The following CNBD1 variants were observed in gnomAD, a reference collection of about 807,000 sequenced individuals.
CNBD1 encodes cyclic nucleotide binding domain containing 1.
CNBD1 carries 71 observed loss-of-function variants against 54.4 expected under a neutral mutation model. That is an observed-to-expected ratio of 1.30 (90% CI 1.08 to 1.59). The LOEUF (loss-of-function observed/expected upper bound fraction) is 1.59. CNBD1 is among the 40% of genes most tolerant of loss of function. The pLI is 0.00. For missense variants in CNBD1, 659 were observed against 518.0 expected (o/e 1.27, Z -2.64); for synonymous variants, 182 against 170.7 (o/e 1.07, Z -0.51).
At chr8:86,901,696 T>C (rs1046885371) in intron 2 of CNBD1, among the ~76,000 whole-genome samples, 5 of 152,222 alleles carry the variant, frequency 3.3e-5, no homozygotes, top group African/African-American at 9.6e-5. Context: ...GTCTTTATTG[T>C]GTGGCTTCCA....
chr8:87,332,155 C>T (rs1563556541), intron 8 of CNBD1, among the ~76,000 whole-genome samples: 1 of 152,076 alleles, frequency 6.6e-6, no homozygotes, highest in East Asian at 1.9e-4. Context: ...CGAGATCAGC[C>T]TGGCCAACAT....
intron 4 of CNBD1, among the ~76,000 whole-genome samples, chr8:87,120,324 A>T (rs893021982): frequency 6.6e-6 from 1 of 151,910 alleles, no homozygotes; most frequent in African/African-American, 2.4e-5. Context: ...CAAGGAATCT[A>T]TCCATTTCCT....
chr8:86,963,459 G>A (rs1807988319), intron 4 of CNBD1, among the ~76,000 whole-genome samples: 1 of 152,110 alleles, frequency 6.6e-6, no homozygotes, highest in African/African-American at 2.4e-5. Context: ...AGGTGCCTCA[G>A]GGGGGTGTAT....
At chr8:87,340,369 T>C (rs1034772426) in intron 8 of CNBD1, among the ~76,000 whole-genome samples, 13 of 152,190 alleles carry the variant, frequency 8.5e-5, no homozygotes, top group African/African-American at 3.1e-4. Context: ...TCTGTGTCTG[T>C]ATGGGTGTGG....
At chr8:86,982,836 T>C (rs1808518479) in intron 4 of CNBD1, among the ~76,000 whole-genome samples, 1 of 152,134 alleles carries the variant, frequency 6.6e-6, no homozygotes, top group Admixed American at 6.6e-5. Flanking sequence ...CTGCTGAGGT[T>C]TTGATTGGGA....
At chr8:87,264,461 A>C (rs1388140554) in intron 6 of CNBD1, among the ~76,000 whole-genome samples, 1 of 152,222 alleles carries the variant, frequency 6.6e-6, no homozygotes, top group Middle Eastern at 3.4e-3. Context: ...ATAAACATAC[A>C]TGTGCGTGTG....
chr8:87,134,327 G>T (rs1297980624), intron 4 of CNBD1, among the ~76,000 whole-genome samples: 4 of 152,034 alleles, frequency 2.6e-5, no homozygotes, highest in Non-Finnish European at 4.4e-5. Flanking sequence ...AGTACAGATT[G>T]ATGTTTTAGG....
chr8:87,304,817 A>G (rs1809107583), intron 8 of CNBD1, among the ~76,000 whole-genome samples: 1 of 152,072 alleles, frequency 6.6e-6, no homozygotes, highest in African/African-American at 2.4e-5. Flanking sequence ...ACTGAATGGG[A>G]AAAAGTTGAA....
intron 4 of CNBD1, among the ~76,000 whole-genome samples, chr8:87,006,289 G>A (rs1809096060): frequency 6.6e-6 from 1 of 152,082 alleles, no homozygotes; most frequent in Admixed American, 6.5e-5. Flanking sequence ...GACCTTTATG[G>A]AAGGTGATAA....
intron 3 of CNBD1, among the ~76,000 whole-genome samples, chr8:86,932,583 T>A (rs1272788983): frequency 6.6e-6 from 1 of 152,202 alleles, no homozygotes; most frequent in Non-Finnish European, 1.5e-5. Context: ...TTCACTCCAT[T>A]TGCCTTCCCT....
At chr8:86,933,344 A>G (rs1208443091) in intron 3 of CNBD1, among the ~76,000 whole-genome samples, 1 of 152,162 alleles carries the variant, frequency 6.6e-6, no homozygotes, top group Non-Finnish European at 1.5e-5. Flanking sequence ...AAAATGAAAA[A>G]ACAAAACACA....
At chr8:87,371,988 G>A (rs1314607423) in intron 10 of CNBD1, among the ~76,000 whole-genome samples, 2 of 151,742 alleles carry the variant, frequency 1.3e-5, no homozygotes, top group Non-Finnish European at 2.9e-5. Flanking sequence ...TTCTGGCCAG[G>A]GCAATTAGGC....
chr8:86,968,523 T>G (rs959471440), intron 4 of CNBD1, among the ~76,000 whole-genome samples: 10 of 152,200 alleles, frequency 6.6e-5, no homozygotes, highest in Admixed American at 1.3e-4. Context: ...TTTAGGAGGT[T>G]TATCCGCCAA....
intron 5 of CNBD1, among the ~76,000 whole-genome samples, chr8:87,230,152 C>T (rs1295055079): frequency 6.6e-6 from 1 of 152,070 alleles, no homozygotes; most frequent in Non-Finnish European, 1.5e-5. Flanking sequence ...TAGTTTTAAA[C>T]AATGGGATTT....
At chr8:87,068,044 A>G (rs1169441492) in intron 4 of CNBD1, among the ~76,000 whole-genome samples, 1 of 152,030 alleles carries the variant, frequency 6.6e-6, no homozygotes, top group Non-Finnish European at 1.5e-5. Context: ...TTTTGAACAT[A>G]CGTTAAGCAT....
intron 1 of CNBD1, among the ~76,000 whole-genome samples, chr8:86,881,240 C>A (rs1161836282): frequency 6.6e-6 from 1 of 152,072 alleles, no homozygotes; most frequent in East Asian, 1.9e-4. Context: ...TAAAACTATC[C>A]CTGTTTGCAG....
chr8:87,272,662 C>A (rs1427877120), intron 6 of CNBD1, among the ~76,000 whole-genome samples: 1 of 152,026 alleles, frequency 6.6e-6, no homozygotes, highest in East Asian at 1.9e-4. Flanking sequence ...TCAATTTATA[C>A]ATGGATAAAG....
chr8:87,225,603 G>C (rs1223070703), intron 5 of CNBD1, among the ~76,000 whole-genome samples: 1 of 152,088 alleles, frequency 6.6e-6, no homozygotes, highest in Non-Finnish European at 1.5e-5. Context: ...CTTGATCATG[G>C]TGGATAAGCT....
At chr8:87,194,616 C>G (rs1813676704) in intron 4 of CNBD1, among the ~76,000 whole-genome samples, 1 of 152,102 alleles carries the variant, frequency 6.6e-6, no homozygotes, top group Non-Finnish European at 1.5e-5. Flanking sequence ...TTCTTTATTA[C>G]TGAATACTTA....
Sources: allele counts gnomAD v4.1 joint callset (sites outside exome capture counted in the v4.1 genomes callset), GRCh38; gene constraint gnomAD v4.1.1; transcripts MANE v1.5; gene names NCBI Gene and HGNC (gene_info 2026-07-23, HGNC 2026-07-21).